Variants in ROBO1 observed in about 807,000 individuals in gnomAD.
The protein encoded by ROBO1 is roundabout homolog 1.
In ROBO1, 149 loss-of-function variants were observed where a neutral mutation model predicts 195.9. The observed-to-expected ratio is 0.76, with a 90% CI of 0.67 to 0.87. The LOEUF (loss-of-function observed/expected upper bound fraction) is 0.87, where lower values mean the gene tolerates loss of function less well. Among genes scored for constraint, ROBO1 ranks in the 40% least tolerant of loss-of-function variants. ROBO1 has a pLI of 0.00. For missense variants in ROBO1, 1,933 were observed against 2,068.3 expected, an observed-to-expected ratio of 0.93 and a Z score of 1.27; for synonymous variants, 816 against 733.2, an observed-to-expected ratio of 1.11 and a Z score of -1.82.
chr3:78,915,625 A>G (rs2038513796), intron 4 of ROBO1, among the ~76,000 whole-genome samples: 2 of 152,066 alleles, frequency 1.3e-5, no homozygotes, highest in South Asian at 4.1e-4. Flanking sequence ...TTAACATAAA[A>G]TTTAGTAAAA....
chr3:79,403,937 A>C (rs953977139), intron 2 of ROBO1, among the ~76,000 whole-genome samples: 3 of 152,040 alleles, frequency 2.0e-5, no homozygotes, highest in African/African-American at 7.2e-5. Context: ...AGTTATGTTC[A>C]TCCTATTAGA....
At chr3:79,578,715 A>G (rs1185850251) in intron 2 of ROBO1, among the ~76,000 whole-genome samples, 1 of 152,174 alleles carries the variant, frequency 6.6e-6, no homozygotes, top group African/African-American at 2.4e-5. Flanking sequence ...CTCAGTGCAT[A>G]CTAAAAAATT....
chr3:78,904,691 CATATGTAT>C (rs1198439961), intron 4 of ROBO1, among the ~76,000 whole-genome samples: 1 of 147,924 alleles, frequency 6.8e-6, no homozygotes, highest in Non-Finnish European at 1.5e-5. Flanking sequence ...TATACGTATA[CATATGTAT>C]ATATGTATAT....
intron 2 of ROBO1, among the ~76,000 whole-genome samples, chr3:79,317,926 G>A (rs1431942744): frequency 2.0e-5 from 3 of 152,078 alleles, no homozygotes; most frequent in Non-Finnish European, 4.4e-5. Context: ...TTATGTGTGT[G>A]TATAAAGATA....
chr3:79,167,894 T>G (rs980377983), intron 2 of ROBO1, among the ~76,000 whole-genome samples: 2 of 152,206 alleles, frequency 1.3e-5, no homozygotes, highest in Non-Finnish European at 2.9e-5. Context: ...ATCCATTTCA[T>G]GAGAGAGGTT....
chr3:79,674,186 G>C (rs963472574), intron 1 of ROBO1, among the ~76,000 whole-genome samples: 2 of 151,960 alleles, frequency 1.3e-5, no homozygotes, highest in African/African-American at 2.4e-5. Flanking sequence ...ACCTGCAATT[G>C]AGACACACAG....
chr3:79,639,435 A>G (rs2106650474), intron 1 of ROBO1, among the ~76,000 whole-genome samples: 1 of 152,270 alleles, frequency 6.6e-6, no homozygotes, highest in African/African-American at 2.4e-5. Flanking sequence ...AAGAAAGAAC[A>G]TTTTCTAGAA....
intron 2 of ROBO1, among the ~76,000 whole-genome samples, chr3:79,142,543 G>GTAGAT (rs2080549985): frequency 6.6e-6 from 1 of 152,120 alleles, no homozygotes; most frequent in Non-Finnish European, 1.5e-5. Context: ...ATGCTCCTCT[G>GTAGAT]TAGATTCAGT....
Position 79,074,285 on chromosome 3 carries a change from T to G in ROBO1, c.172+51171A>C, listed in dbSNP as rs139486330. ...TTTTTCCCTTTGTTTCAGGGTATTC[T>G]GGTTCTCAGCACTGATACTGGTAAA... On this transcript the variant is annotated intron_variant, in intron 3 of 30. Transcript: ENST00000464233. 2.1e-3 allele frequency among the ~76,000 whole-genome samples: 322 copies of G among 152,070 alleles called. 1 individual carries two copies. The highest frequency in any genetic ancestry group is 7.4e-3 in the African/African-American group (308 of 41,526).
intron 1 of ROBO1, among the ~76,000 whole-genome samples, chr3:79,707,988 T>C (rs1702121247): frequency 2.0e-5 from 3 of 152,198 alleles, no homozygotes; most frequent in South Asian, 4.1e-4. Context: ...TTTTTGTCGA[T>C]GTTAGATTCT....
At chr3:78,903,197 C>T (rs2037690203) in intron 4 of ROBO1, among the ~76,000 whole-genome samples, 1 of 151,856 alleles carries the variant, frequency 6.6e-6, no homozygotes, top group Non-Finnish European at 1.5e-5. Context: ...TAATATAATC[C>T]TCAAAGAGGT....
intron 1 of ROBO1, among the ~76,000 whole-genome samples, chr3:79,754,680 A>G (rs142899172): frequency 6.6e-6 from 1 of 152,312 alleles, no homozygotes; most frequent in East Asian, 1.9e-4. Flanking sequence ...GACCGCAGAA[A>G]AACAGGCAAG....
At chr3:79,176,132 C>G (rs1390963418) in intron 2 of ROBO1, among the ~76,000 whole-genome samples, 1 of 152,074 alleles carries the variant, frequency 6.6e-6, no homozygotes, top group Non-Finnish European at 1.5e-5. Flanking sequence ...TGAAGTCTTC[C>G]AGGCTATGGA....
chr3:79,198,668 G>A (rs1244679444), intron 2 of ROBO1, among the ~76,000 whole-genome samples: 2 of 152,084 alleles, frequency 1.3e-5, no homozygotes. Context: ...TCCTATCCAT[G>A]AGCATGGAAA....
chr3:79,160,234 A>ATGTGTG (rs142663481), intron 2 of ROBO1, among the ~76,000 whole-genome samples: 9,177 of 148,342 alleles, frequency 0.062, 375 homozygotes, highest in African/African-American at 0.12. Flanking sequence ...CTTTAAAAAA[A>ATGTGTG]TGTGTGTGTG....
chr3:78,856,455 T>C (rs181359272), intron 4 of ROBO1, among the ~76,000 whole-genome samples: 1 of 152,004 alleles, frequency 6.6e-6, no homozygotes, highest in African/African-American at 2.4e-5. Context: ...AGATAAAATA[T>C]AGTATCATAA....
chr3:79,614,332 T>A (rs1944754180), intron 1 of ROBO1, among the ~76,000 whole-genome samples: 1 of 152,094 alleles, frequency 6.6e-6, no homozygotes, highest in Non-Finnish European at 1.5e-5. Flanking sequence ...AATTCCCAAA[T>A]GTTTGGAAAT....
At chr3:79,714,046 T>C (rs975269006) in intron 1 of ROBO1, among the ~76,000 whole-genome samples, 4 of 152,146 alleles carry the variant, frequency 2.6e-5, no homozygotes, top group African/African-American at 4.8e-5. Context: ...CAGTTTGTTC[T>C]TTTGGCTTAG....
chr3:79,489,482 C>G (rs527395797), intron 2 of ROBO1, among the ~76,000 whole-genome samples: 3 of 151,788 alleles, frequency 2.0e-5, no homozygotes, highest in Admixed American at 1.3e-4. Context: ...GGTGAAACCC[C>G]GTCTCTAATA....
Sources: allele counts gnomAD v4.1 joint callset (sites outside exome capture counted in the v4.1 genomes callset), GRCh38; gene constraint gnomAD v4.1.1; transcripts MANE v1.5; gene names NCBI Gene and HGNC (gene_info 2026-07-23, HGNC 2026-07-21).